Variants in ZNF69 observed in about 807,000 individuals in gnomAD.
The protein encoded by ZNF69 is zinc finger protein 69.
A neutral mutation model predicts 50.9 loss-of-function variants in ZNF69; 47 were observed. The ratio of observed to expected loss-of-function variants is 0.92; its 90% confidence interval spans 0.73 to 1.18. The LOEUF is 1.18. Among genes scored for constraint, ZNF69 ranks in the 50% most tolerant of loss-of-function variants. The pLI is 0.00. For synonymous variants in ZNF69, 216 were observed against 223.1 expected (o/e 0.97, Z 0.29); for missense variants, 717 against 675.1 (o/e 1.06, Z -0.69).
downstream of ZNF69, among the ~76,000 whole-genome samples, chr19:11,919,091 T>A (rs1363372783): frequency 2.0e-5 from 3 of 152,072 alleles, no homozygotes; most frequent in Non-Finnish European, 2.9e-5. Flanking sequence ...GAGACGGGGT[T>A]TCATCGTGTT....
the ZNF69 span, among the ~76,000 whole-genome samples, chr19:11,941,818 G>A: frequency 9.9e-5 from 15 of 152,250 alleles, no homozygotes; most frequent in South Asian, 2.1e-4. Flanking sequence ...CGCCAAGAGC[G>A]AGCGAGGGCT....
At chr19:11,932,378 A>T in the ZNF69 span, among the ~76,000 whole-genome samples, 1 of 148,316 alleles carries the variant, frequency 6.7e-6, no homozygotes, top group South Asian at 2.1e-4. Context: ...AATTAGTTTC[A>T]ATATGCTATG....
At chr19:11,960,394 C>A in the ZNF69 span, among the ~76,000 whole-genome samples, 6 of 152,108 alleles carry the variant, frequency 3.9e-5, no homozygotes, top group Non-Finnish European at 8.8e-5. Flanking sequence ...CCACTCACTG[C>A]CCACTGCAGC....
intron 1 of ZNF69, among the ~76,000 whole-genome samples, chr19:11,898,916 T>C (rs190807196): frequency 1.3e-5 from 2 of 152,236 alleles, no homozygotes; most frequent in South Asian, 2.1e-4. Context: ...ACATATTACA[T>C]GTGAACATGA....
the ZNF69 span, among the ~76,000 whole-genome samples, chr19:11,931,347 G>A: frequency 1.8e-4 from 27 of 148,026 alleles, 1 homozygote; most frequent in Middle Eastern, 0.017. Context: ...AGAGGAAGCC[G>A]GCTCTCCTGT....
At chr19:11,918,325 G>A (rs148711168), downstream of ZNF69, among the ~76,000 whole-genome samples, 804 of 152,004 alleles carry the variant, frequency 5.3e-3, 9 homozygotes, top group African/African-American at 0.017. Flanking sequence ...ACTTTTCGTC[G>A]CCCATTTACT....
intron 1 of ZNF69, among the ~76,000 whole-genome samples, chr19:11,890,946 C>T (rs1290321840): frequency 6.6e-6 from 1 of 151,974 alleles, no homozygotes; most frequent in Non-Finnish European, 1.5e-5. Flanking sequence ...AGAAAGATAG[C>T]AATGGCCCAT....
chr19:11,949,011 T>A, the ZNF69 span: 3 of 1,605,732 alleles, frequency 1.9e-6, no homozygotes, highest in Non-Finnish European at 2.5e-6. Context: ...GGACCCACTC[T>A]GGGAAAAAAC....
At chr19:11,944,918 A>G in the ZNF69 span, among the ~76,000 whole-genome samples, 1 of 152,206 alleles carries the variant, frequency 6.6e-6, no homozygotes, top group Non-Finnish European at 1.5e-5. Flanking sequence ...TGTGGCTCCC[A>G]GCAGCTGTGG....
the ZNF69 span, among the ~76,000 whole-genome samples, chr19:11,937,168 A>G: frequency 6.6e-6 from 1 of 152,184 alleles, no homozygotes; most frequent in Non-Finnish European, 1.5e-5. Context: ...CAAGGTTGTC[A>G]TGGTTTTCAC....
At chr19:11,948,269 T>C in the ZNF69 span, 1 of 1,610,526 alleles carries the variant, frequency 6.2e-7, no homozygotes, top group Non-Finnish European at 8.5e-7. Flanking sequence ...TTTCTCATGT[T>C]TTACAGGAGT....
chr19:11,897,738 G>C (rs911353491), intron 1 of ZNF69, among the ~76,000 whole-genome samples: 7 of 151,600 alleles, frequency 4.6e-5, no homozygotes, highest in African/African-American at 1.7e-4. Flanking sequence ...CGAGCGTGGT[G>C]GTGGGCGCCT....
chr19:11,962,121 C>G, the ZNF69 span, among the ~76,000 whole-genome samples: 2 of 152,014 alleles, frequency 1.3e-5, no homozygotes, highest in Non-Finnish European at 2.9e-5. Context: ...GCCAAATGAA[C>G]GAAACTTAGT....
the ZNF69 span, among the ~76,000 whole-genome samples, chr19:11,935,641 C>T: frequency 9.2e-5 from 14 of 152,186 alleles, 1 homozygote; most frequent in East Asian, 2.3e-3. Flanking sequence ...ATTATTTTGT[C>T]CCAGTCTGTC....
At chr19:11,916,546 C>T (rs1043978771), downstream of ZNF69, among the ~76,000 whole-genome samples, 7 of 152,242 alleles carry the variant, frequency 4.6e-5, no homozygotes, top group South Asian at 8.3e-4. Flanking sequence ...ACCAGGGAGG[C>T]GGAGGTTGCA....
intron 1 of ZNF69, among the ~76,000 whole-genome samples, chr19:11,901,583 C>T (rs1207626430): frequency 6.6e-6 from 1 of 152,126 alleles, no homozygotes; most frequent in East Asian, 1.9e-4. Context: ...CTCCCAGGTT[C>T]AAATGATTCT....
the ZNF69 span, among the ~76,000 whole-genome samples, chr19:11,947,832 C>T: frequency 6.6e-6 from 1 of 152,094 alleles, no homozygotes; most frequent in Non-Finnish European, 1.5e-5. Flanking sequence ...ATAACGAGAC[C>T]ACATATCAAC....
the ZNF69 span, among the ~76,000 whole-genome samples, chr19:11,924,644 T>C: frequency 1.3e-5 from 2 of 152,056 alleles, no homozygotes; most frequent in Non-Finnish European, 2.9e-5. Context: ...TGGGGGTGTG[T>C]GAGCAAGGCT....
chr19:11,930,510 A>G, the ZNF69 span, among the ~76,000 whole-genome samples: 1 of 148,524 alleles, frequency 6.7e-6, no homozygotes, highest in East Asian at 1.9e-4. Context: ...AATGCATGCT[A>G]AGGTAACATA....
Sources: gnomAD v4.1 joint callset for allele counts (sites outside exome capture counted in the v4.1 genomes callset) on GRCh38, gnomAD v4.1.1 for gene constraint, MANE v1.5 for transcripts, NCBI Gene and HGNC (gene_info 2026-07-23, HGNC 2026-07-21) for gene names.